The following PARD3 variants were observed in gnomAD, a reference collection of about 807,000 sequenced individuals.
PARD3 encodes par-3 family cell polarity regulator.
A neutral mutation model predicts 155.4 loss-of-function variants in PARD3; 75 were observed. The observed-to-expected ratio is 0.48, with a 90% CI of 0.40 to 0.58. The LOEUF is 0.58. PARD3 is among the 20% of genes least tolerant of loss of function. The probability of loss-of-function intolerance (pLI) is 0.00; values close to 1 mark genes in which losing one functional copy is unlikely to be tolerated. For synonymous variants in PARD3, 576 were observed against 610.5 expected, an observed-to-expected ratio of 0.94 and a Z score of 0.83; for missense variants, 1,642 against 1,721.7, an observed-to-expected ratio of 0.95 and a Z score of 0.82.
intron 2 of PARD3, among the ~76,000 whole-genome samples, chr10:34,575,839 T>A (rs191325394): frequency 7.2e-5 from 11 of 152,122 alleles, no homozygotes; most frequent in African/African-American, 2.4e-4. Context: ...GAGGTTGCAG[T>A]GAGCCAAGAT....
intron 14 of PARD3, among the ~76,000 whole-genome samples, chr10:34,356,063 C>G (rs189228988): frequency 6.6e-6 from 1 of 151,682 alleles, no homozygotes; most frequent in East Asian, 1.9e-4. Context: ...AGTAGGGTAG[C>G]AGAAAACTAG....
At chr10:34,535,510 A>G (rs1320354748) in intron 2 of PARD3, among the ~76,000 whole-genome samples, 1 of 152,162 alleles carries the variant, frequency 6.6e-6, no homozygotes, top group East Asian at 1.9e-4. Context: ...TTTTTTTGAG[A>G]TAGTCTCACT....
chr10:34,445,240 T>C (rs1314893718), intron 5 of PARD3, among the ~76,000 whole-genome samples: 1 of 152,200 alleles, frequency 6.6e-6, no homozygotes, highest in African/African-American at 2.4e-5. Context: ...ATGGGAATAA[T>C]TGGAATAGAT....
At chr10:34,435,627 G>A (rs1362124273) in intron 5 of PARD3, among the ~76,000 whole-genome samples, 4 of 152,078 alleles carry the variant, frequency 2.6e-5, no homozygotes, top group African/African-American at 9.7e-5. Flanking sequence ...CCGAGCAATC[G>A]AGAAAAACAT....
intron 1 of PARD3, among the ~76,000 whole-genome samples, chr10:34,751,772 T>TA (rs1459425815): frequency 1.4e-5 from 1 of 73,348 alleles, no homozygotes; most frequent in Non-Finnish European, 2.9e-5. Flanking sequence ...CCTGTCTAGC[T>TA]TTTTTTTTTT....
At chr10:34,309,446 T>C (rs1328531612) in intron 20 of PARD3, among the ~76,000 whole-genome samples, 2 of 149,322 alleles carry the variant, frequency 1.3e-5, no homozygotes, top group Non-Finnish European at 3.0e-5. Context: ...TAGTCCCAGC[T>C]ACTGGGAAGG....
chr10:34,603,235 C>CT (rs551081050), intron 2 of PARD3, among the ~76,000 whole-genome samples: 161 of 152,264 alleles, frequency 1.1e-3, no homozygotes, highest in South Asian at 5.0e-3. Context: ...TGGTGGGCTG[C>CT]AAGTTTAAAT....
intron 2 of PARD3, among the ~76,000 whole-genome samples, chr10:34,688,147 C>A (rs2093983884): frequency 6.6e-6 from 1 of 152,170 alleles, no homozygotes; most frequent in Non-Finnish European, 1.5e-5. Flanking sequence ...GCCATGGCGC[C>A]TGGCTCTGAA....
intron 22 of PARD3, among the ~76,000 whole-genome samples, chr10:34,258,009 A>T (rs1954749257): frequency 6.6e-6 from 1 of 152,194 alleles, no homozygotes; most frequent in African/African-American, 2.4e-5. Flanking sequence ...GAGCCACGTA[A>T]TTCACCCATG....
chr10:34,502,479 A>G (rs2080782350), intron 3 of PARD3, among the ~76,000 whole-genome samples: 1 of 152,086 alleles, frequency 6.6e-6, no homozygotes, highest in Admixed American at 6.5e-5. Flanking sequence ...TCCACACCAG[A>G]CTCTGACATG....
intron 2 of PARD3, among the ~76,000 whole-genome samples, chr10:34,566,946 C>T (rs1029188866): frequency 6.6e-6 from 1 of 152,080 alleles, no homozygotes; most frequent in African/African-American, 2.4e-5. Flanking sequence ...TAAAATGGTT[C>T]AGGTACTTCC....
intron 22 of PARD3, among the ~76,000 whole-genome samples, chr10:34,208,793 G>A (rs1009256631): frequency 6.6e-6 from 1 of 152,150 alleles, no homozygotes. Flanking sequence ...ATGGTGTGGG[G>A]CAAGCATTCT....
At chr10:34,475,675 A>G (rs2078658762) in intron 3 of PARD3, among the ~76,000 whole-genome samples, 1 of 152,236 alleles carries the variant, frequency 6.6e-6, no homozygotes, top group Non-Finnish European at 1.5e-5. Flanking sequence ...TCTTTATTTC[A>G]GAAAATCACA....
At chr10:34,716,186 T>C (rs529614764) in intron 1 of PARD3, among the ~76,000 whole-genome samples, 1 of 152,378 alleles carries the variant, frequency 6.6e-6, no homozygotes, top group African/African-American at 2.4e-5. Context: ...ATGAGACATT[T>C]GAAATGTAAT....
chr10:34,810,958 G>A (rs545457030), intron 1 of PARD3, among the ~76,000 whole-genome samples: 3 of 151,944 alleles, frequency 2.0e-5, no homozygotes, highest in Non-Finnish European at 2.9e-5. Flanking sequence ...AGGTTAAATG[G>A]CTTGTAAACC....
At chr10:34,723,782 G>A (rs7090480) in intron 1 of PARD3, among the ~76,000 whole-genome samples, 5,606 of 152,230 alleles carry the variant, frequency 0.037, 359 homozygotes, top group African/African-American at 0.13. Flanking sequence ...GCGATGCAGC[G>A]GAGGAACTGC....
intron 2 of PARD3, among the ~76,000 whole-genome samples, chr10:34,579,415 C>A (rs2087200857): frequency 6.6e-6 from 1 of 152,146 alleles, no homozygotes; most frequent in Non-Finnish European, 1.5e-5. Flanking sequence ...CGCCCCCTGC[C>A]CCTCCCAGGT....
intron 7 of PARD3, among the ~76,000 whole-genome samples, chr10:34,392,923 G>A (rs992415453): frequency 1.1e-4 from 17 of 151,924 alleles, no homozygotes; most frequent in Non-Finnish European, 2.1e-4. Context: ...GGTTCCCTAG[G>A]GCAAGGGCTG....
At chr10:34,712,160 G>A (rs2094457890) in intron 1 of PARD3, among the ~76,000 whole-genome samples, 1 of 152,146 alleles carries the variant, frequency 6.6e-6, no homozygotes, top group African/African-American at 2.4e-5. Context: ...TAGTCCCGAT[G>A]GATCTAAGAG....
Sources: allele counts gnomAD v4.1 joint callset (sites outside exome capture counted in the v4.1 genomes callset), GRCh38; gene constraint gnomAD v4.1.1; transcripts MANE v1.5; gene names NCBI Gene and HGNC (gene_info 2026-07-23, HGNC 2026-07-21).